The following CTNNA3 variants were observed in gnomAD, a reference collection of about 807,000 sequenced individuals.
The protein encoded by CTNNA3 is catenin alpha 3, also known as catenin alpha-3.
A neutral mutation model predicts 95.7 loss-of-function variants in CTNNA3; 76 were observed. The observed-to-expected ratio is 0.79, with a 90% CI of 0.66 to 0.96. CTNNA3 has a LOEUF of 0.96. Among genes scored for constraint, CTNNA3 ranks in the 40% least tolerant of loss-of-function variants. The probability of loss-of-function intolerance (pLI) is 0.00; values close to 1 mark genes in which losing one functional copy is unlikely to be tolerated. For missense variants in CTNNA3, 1,191 were observed against 1,089.8 expected (o/e 1.09, Z -1.31); for synonymous variants, 431 against 374.4 (o/e 1.15, Z -1.74).
At chr10:66,690,156 A>G (rs1182213542) in intron 9 of CTNNA3, among the ~76,000 whole-genome samples, 1 of 152,084 alleles carries the variant, frequency 6.6e-6, no homozygotes, top group African/African-American at 2.4e-5. Flanking sequence ...GTATGCATGT[A>G]TATGTGTGTA....
chr10:66,028,027 TAGGCCCCCA>T (rs2079375346), intron 15 of CTNNA3, among the ~76,000 whole-genome samples: 1 of 152,186 alleles, frequency 6.6e-6, no homozygotes, highest in South Asian at 2.1e-4. Context: ...CATAAGTATA[TAGGCCCCCA>T]AGTCTGCCTT....
chr10:67,123,907 G>A (rs1175657376), intron 7 of CTNNA3, among the ~76,000 whole-genome samples: 1 of 152,114 alleles, frequency 6.6e-6, no homozygotes, highest in African/African-American at 2.4e-5. Context: ...ACAGCCCTGA[G>A]GACAAGGAGA....
At chr10:66,444,044 C>T (rs918345771) in intron 11 of CTNNA3, among the ~76,000 whole-genome samples, 5 of 151,944 alleles carry the variant, frequency 3.3e-5, no homozygotes, top group Admixed American at 6.5e-5. Flanking sequence ...CCTCAGGAGC[C>T]GATGCGATCA....
chr10:67,739,333 A>C (rs1405123076), intron 1 of CTNNA3, among the ~76,000 whole-genome samples: 3 of 152,174 alleles, frequency 2.0e-5, no homozygotes, highest in African/African-American at 7.2e-5. Flanking sequence ...AAGGAAATAA[A>C]GGGTATTCAA....
chr10:66,903,644 A>C (rs1240250365), intron 7 of CTNNA3, among the ~76,000 whole-genome samples: 3 of 152,216 alleles, frequency 2.0e-5, no homozygotes, highest in African/African-American at 7.2e-5. Context: ...GTCTCAGCCC[A>C]AAATATCCTT....
intron 2 of CTNNA3, among the ~76,000 whole-genome samples, chr10:67,639,313 T>G (rs921704715): frequency 6.6e-6 from 1 of 152,136 alleles, no homozygotes; most frequent in Non-Finnish European, 1.5e-5. Flanking sequence ...CAGGAAGAAG[T>G]TGAATCTCTG....
At chr10:66,471,162 A>AT (rs948734570) in intron 11 of CTNNA3, among the ~76,000 whole-genome samples, 6 of 151,974 alleles carry the variant, frequency 3.9e-5, no homozygotes, top group Non-Finnish European at 5.9e-5. Flanking sequence ...AAAAAGTAGC[A>AT]TTTTTTGTAA....
chr10:67,747,829 G>T (rs72806690), intron 1 of CTNNA3, among the ~76,000 whole-genome samples: 44 of 152,294 alleles, frequency 2.9e-4, no homozygotes, highest in Admixed American at 5.2e-4. Context: ...AAAGGAGCAT[G>T]TCCTAACCTA....
intron 1 of CTNNA3, among the ~76,000 whole-genome samples, chr10:67,714,252 AG>A (rs1841129687): frequency 6.6e-6 from 1 of 152,236 alleles, no homozygotes; most frequent in South Asian, 2.1e-4. Context: ...ACTCAATGCC[AG>A]ACCATGAAAG....
At chr10:67,022,940 A>AAAATAAAT (rs578243915) in intron 7 of CTNNA3, among the ~76,000 whole-genome samples, 1 of 152,130 alleles carries the variant, frequency 6.6e-6, no homozygotes, top group Non-Finnish European at 1.5e-5. Context: ...TGTGTCTCAA[A>AAAATAAAT]AAATAAATAA....
rs71006156 is a variant in CTNNA3, at chr10:67,632,126, C to CCACACACACACACA, written c.99+15275_99+15288dup. Among the ~76,000 whole-genome samples, 197 of 139,060 alleles carry CCACACACACACACA rather than the reference C, an allele frequency of 1.4e-3. 3 individuals are homozygous for CCACACACACACACA. The highest frequency in any genetic ancestry group is 4.3e-3 in the African/African-American group (159 of 37,122). 91.2% of individuals were successfully genotyped at this position (139,060 alleles called of 152,430 possible). Reference sequence around the variant, plus strand: ...AGAAAGTAGATTTTAAGTGTCTTAGCCACACACACACACACACACACACAC... The same window carrying CCACACACACACACA: ...AGAAAGTAGATTTTAAGTGTCTTAGCCACACACACACACACACACACACACACACACACACACAC... On this transcript the variant is annotated intron_variant, in intron 2 of 17. Coordinates refer to ENST00000433211, the MANE Select transcript of CTNNA3 (RefSeq NM_013266.4).
intron 9 of CTNNA3, among the ~76,000 whole-genome samples, chr10:66,661,507 CT>C (rs1444631904): frequency 1.3e-5 from 2 of 152,102 alleles, no homozygotes; most frequent in Non-Finnish European, 2.9e-5. Context: ...ATGTCATTTT[CT>C]TTTTAAACCT....
intron 2 of CTNNA3, among the ~76,000 whole-genome samples, chr10:67,642,453 C>T (rs1269482554): frequency 2.0e-5 from 3 of 152,158 alleles, no homozygotes; most frequent in Admixed American, 1.3e-4. Context: ...TGCGGTGGCT[C>T]ATGCCTGCAA....
chr10:67,436,736 T>C (rs762335314), intron 5 of CTNNA3, among the ~76,000 whole-genome samples: 1 of 152,156 alleles, frequency 6.6e-6, no homozygotes, highest in Non-Finnish European at 1.5e-5. Context: ...TCAACATAAC[T>C]AATTATCAGG....
intron 13 of CTNNA3, among the ~76,000 whole-genome samples, chr10:66,252,327 T>C (rs1325271831): frequency 2.6e-5 from 4 of 152,240 alleles, no homozygotes; most frequent in Non-Finnish European, 4.4e-5. Flanking sequence ...TTAAATATTT[T>C]AGTCAATTTC....
rs1001938443 is a variant in CTNNA3, at chr10:66,201,371, T to C, written c.1884+79099A>G. On this transcript the variant is annotated intron_variant, in intron 13 of 17. Transcript: ENST00000433211. ...CTTTTTCGGTTGGTGTTAATGTTAC[T>C]GGCAAAAGGCAGAAGAACTGCCCTG... is the stretch of plus-strand genomic sequence containing the variant. 2.6e-5 allele frequency among the ~76,000 whole-genome samples: 4 copies of C among 152,168 alleles called. No homozygotes were observed. In the South Asian group the frequency reaches 6.2e-4, roughly 24 times the overall value.
At chr10:66,049,079 TAAAC>T (rs993815866) in intron 15 of CTNNA3, among the ~76,000 whole-genome samples, 44 of 152,042 alleles carry the variant, frequency 2.9e-4, no homozygotes, top group African/African-American at 1.0e-3. Flanking sequence ...ATAAGGAACT[TAAAC>T]AAATTTACAA....
At chr10:65,948,445 C>T (rs2077558581) in intron 17 of CTNNA3, among the ~76,000 whole-genome samples, 1 of 152,026 alleles carries the variant, frequency 6.6e-6, no homozygotes, top group African/African-American at 2.4e-5. Flanking sequence ...GAAAACTCAA[C>T]CACGAATTGC....
intron 1 of CTNNA3, among the ~76,000 whole-genome samples, chr10:67,681,453 T>C (rs762417435): frequency 1.3e-5 from 2 of 152,130 alleles, no homozygotes; most frequent in Non-Finnish European, 2.9e-5. Flanking sequence ...AATGATCAAC[T>C]GAATAAACAT....
Sources: allele counts gnomAD v4.1 joint callset (sites outside exome capture counted in the v4.1 genomes callset), GRCh38; gene constraint gnomAD v4.1.1; transcripts MANE v1.5; gene names NCBI Gene and HGNC (gene_info 2026-07-23, HGNC 2026-07-21).